The following ZNF730 variants were observed in gnomAD, a reference collection of about 807,000 sequenced individuals.
ZNF730 encodes the protein putative zinc finger protein 730.
In ZNF730, 12 loss-of-function variants were observed where a neutral mutation model predicts 12.6. That is an observed-to-expected ratio of 0.95 (90% CI 0.61 to 1.54). The LOEUF (loss-of-function observed/expected upper bound fraction) is 1.54, where lower values mean the gene tolerates loss of function less well. Among genes scored for constraint, ZNF730 ranks in the 40% most tolerant of loss-of-function variants. The pLI is 0.00. For synonymous variants in ZNF730, 194 were observed against 195.8 expected, an observed-to-expected ratio of 0.99 and a Z score of 0.08; for missense variants, 643 against 583.5, an observed-to-expected ratio of 1.10 and a Z score of -1.05.
chr19:23,094,106 C>T (rs1188860845), intron 1 of ZNF730, among the ~76,000 whole-genome samples: 1 of 152,142 alleles, frequency 6.6e-6, no homozygotes, highest in African/African-American at 2.4e-5. Context: ...CCATTTTGGT[C>T]TCCCAAGTGG....
At chr19:23,131,437 G>A (rs531467631) in intron 1 of ZNF730, among the ~76,000 whole-genome samples, 1 of 152,352 alleles carries the variant, frequency 6.6e-6, no homozygotes, top group African/African-American at 2.4e-5. Context: ...ATTACTGCAT[G>A]TGTATATGTT....
At position 23,145,765 on chromosome 19, in the gene ZNF730, T is replaced by C. The variant is rs1276846855; in HGVS notation, c.721T>C (p.Ser241Pro). 5.1e-6 allele frequency: 8 copies of C among 1,571,826 alleles called. No individual in the cohort carries two copies. The highest frequency in any genetic ancestry group is 1.7e-4 in the Middle Eastern group (1 of 5,980). ...ATGTGGCAAAGCCTTTAACTGGTTTTCACATTTTACTACACATAAGAGAAT... is the reference window on the plus strand; with the variant it reads ...ATGTGGCAAAGCCTTTAACTGGTTTCCACATTTTACTACACATAAGAGAAT... ...KECGKAFNWFSHFTTHKRIHT... is the reference protein window; with the variant it reads ...KECGKAFNWFPHFTTHKRIHT... The change falls in exon 4 of 4, where the codon TCA (serine) becomes CCA (proline). Residue 241 changes from serine to proline, a missense_variant. Ser to Pro is a moderately conservative substitution (Grantham distance 74). Transcript: ENST00000597761.
At chr19:23,081,857 A>G (rs980902125) in intron 1 of ZNF730, among the ~76,000 whole-genome samples, 9 of 152,184 alleles carry the variant, frequency 5.9e-5, no homozygotes, top group East Asian at 1.9e-4. Flanking sequence ...CTCGCAGACT[A>G]TCTTTCCACC....
intron 1 of ZNF730, among the ~76,000 whole-genome samples, chr19:23,085,762 C>T (rs1970050062): frequency 6.7e-6 from 1 of 150,196 alleles, no homozygotes; most frequent in Non-Finnish European, 1.5e-5. Flanking sequence ...GTGGTCCACC[C>T]GCCTTTGTCT....
At chr19:23,109,452 A>C (rs1970435621) in intron 1 of ZNF730, among the ~76,000 whole-genome samples, 1 of 149,976 alleles carries the variant, frequency 6.7e-6, no homozygotes, top group African/African-American at 2.5e-5. Context: ...TCTGTCACCC[A>C]GGCTGGAGTG....
At chr19:23,129,902 G>T (rs186470455) in intron 1 of ZNF730, among the ~76,000 whole-genome samples, 2 of 151,122 alleles carry the variant, frequency 1.3e-5, no homozygotes, top group African/African-American at 4.9e-5. Context: ...GCTGCGGCAG[G>T]AGAATGGCGT....
chr19:23,145,409 A>G lies in ZNF730; in HGVS notation c.365A>G (p.Glu122Gly). The change falls in exon 4 of 4, where the codon GAG becomes GGG. Residue 122 changes from glutamate (E) to glycine (G), a missense_variant. Transcript: ENST00000597761. ...AGAAAAGGCTGTAAAAATGTGGATG[A>G]GTTTAAGATGCACAAAAAAGGTTAT... Reference protein sequence around the residue: ...LLRKGCKNVDEFKMHKKGYNR... With the variant: ...LLRKGCKNVDGFKMHKKGYNR... 2 of 1,587,074 alleles carry G rather than the reference A, an allele frequency of 1.3e-6. No homozygotes were observed. The highest frequency in any genetic ancestry group is 1.7e-6 in the Non-Finnish European group (2 of 1,167,332).
chr19:23,143,250 AG>A (rs1300936851), intron 3 of ZNF730, among the ~76,000 whole-genome samples: 5 of 152,150 alleles, frequency 3.3e-5, no homozygotes, highest in Admixed American at 3.3e-4. Flanking sequence ...GTCTCAAAAA[AG>A]AAAAAAAAAA....
At chr19:23,114,028 A>G (rs1308121330), upstream of ZNF730, among the ~76,000 whole-genome samples, 4 of 152,204 alleles carry the variant, frequency 2.6e-5, no homozygotes, top group African/African-American at 9.6e-5. Flanking sequence ...TGTACCAACA[A>G]CTGTGTTTTG....
upstream of ZNF730, among the ~76,000 whole-genome samples, chr19:23,115,050 G>C (rs530421187): frequency 1.3e-5 from 2 of 151,940 alleles, no homozygotes; most frequent in African/African-American, 4.8e-5. Flanking sequence ...AAAGTGCTAA[G>C]ATTACAGGTG....
At chr19:23,123,816 T>G (rs1970628905) in intron 1 of ZNF730, 1 of 154,606 alleles carries the variant, frequency 6.5e-6, no homozygotes, top group Non-Finnish European at 1.5e-5. Flanking sequence ...TTGAGAGCTG[T>G]TTTTCTCTCC....
intron 1 of ZNF730, among the ~76,000 whole-genome samples, chr19:23,087,689 C>A (rs969436479): frequency 5.3e-5 from 8 of 149,724 alleles, no homozygotes; most frequent in Non-Finnish European, 8.9e-5. Flanking sequence ...GATCTTGGCT[C>A]ACTGCAGCCT....
At chr19:23,116,113 G>C (rs1157109228), upstream of ZNF730, among the ~76,000 whole-genome samples, 1 of 152,222 alleles carries the variant, frequency 6.6e-6, no homozygotes, top group East Asian at 1.9e-4. Context: ...TTAGGGCCAA[G>C]GCCAAATAGC....
intron 1 of ZNF730, among the ~76,000 whole-genome samples, chr19:23,088,234 G>C (rs905501827): frequency 4.0e-5 from 6 of 151,126 alleles, no homozygotes; most frequent in African/African-American, 1.5e-4. Context: ...TGGCCAGGCT[G>C]GTCTTGAACA....
In ZNF730 at chr19:23,145,529, G is replaced by A. The variant is rs1255599758; in HGVS notation, c.485G>A (p.Arg162Lys). Residue 162 changes from arginine (R) to lysine (K), a missense_variant, in exon 4 of 4, where the codon AGA becomes AAA. By Grantham distance (26) the Arg-to-Lys change is conservative. Coordinates refer to ENST00000597761, the MANE Select transcript of ZNF730 (RefSeq NM_001277403.2). ...TTTCATAAATTTTCAAATTCAAACAGACATAAGATAAGACATACTTCGAAG... is the reference window on the plus strand; with the variant it reads ...TTTCATAAATTTTCAAATTCAAACAAACATAAGATAAGACATACTTCGAAG... The part of the protein sequence containing the change: ...KVFHKFSNSN[R>K]HKIRHTSKKP... 1 of 1,557,686 alleles carries A rather than the reference G, an allele frequency of 6.4e-7. No homozygotes were observed. Among genetic ancestry groups the A allele is most frequent in the Non-Finnish European group, 8.7e-7 (1 of 1,151,904 alleles).
At chr19:23,143,597 A>G (rs1970960421) in intron 3 of ZNF730, 1 of 152,048 alleles carries the variant, frequency 6.6e-6, no homozygotes, top group Non-Finnish European at 1.5e-5. Flanking sequence ...CATCTTTTAT[A>G]TGTTTGTGAA....
At chr19:23,136,816 A>G (rs1016767159) in intron 3 of ZNF730, among the ~76,000 whole-genome samples, 4 of 150,208 alleles carry the variant, frequency 2.7e-5, no homozygotes, top group African/African-American at 9.8e-5. Context: ...TGTATTTTCT[A>G]TTACCTTAAA....
intron 1 of ZNF730, among the ~76,000 whole-genome samples, chr19:23,078,999 T>G (rs1166009705): frequency 6.6e-6 from 1 of 151,746 alleles, no homozygotes; most frequent in Non-Finnish European, 1.5e-5. Flanking sequence ...GAGATGGGGA[T>G]TTCACCACGT....
intron 1 of ZNF730, among the ~76,000 whole-genome samples, chr19:23,104,482 AACT>A (rs1231509675): frequency 1.3e-5 from 2 of 152,132 alleles, no homozygotes; most frequent in Admixed American, 6.6e-5. Flanking sequence ...ACTTGTTTTT[AACT>A]ACTATTTATG....
Sources: allele counts gnomAD v4.1 joint callset (sites outside exome capture counted in the v4.1 genomes callset), GRCh38; gene constraint gnomAD v4.1.1; transcripts MANE v1.5; gene names NCBI Gene and HGNC (gene_info 2026-07-23, HGNC 2026-07-21).